Variants in SGCD observed in about 807,000 individuals in gnomAD.
SGCD encodes the protein sarcoglycan delta.
Under a neutral mutation model 36.6 loss-of-function variants are expected in SGCD, and 18 were observed. The observed-to-expected ratio is 0.49, with a 90% CI of 0.34 to 0.73. SGCD has a LOEUF of 0.73. Ranked by LOEUF, SGCD falls within the 30% of genes least tolerant of loss-of-function variation. The probability of loss-of-function intolerance (pLI) is 0.01; values close to 1 mark genes in which losing one functional copy is unlikely to be tolerated. For synonymous variants in SGCD, 133 were observed against 130.6 expected (o/e 1.02, Z -0.12); for missense variants, 387 against 346.7 (o/e 1.12, Z -0.92).
intron 1 of SGCD, among the ~76,000 whole-genome samples, chr5:156,113,657 G>A (rs919017851): frequency 1.3e-5 from 2 of 151,994 alleles, no homozygotes; most frequent in African/African-American, 4.8e-5. Context: ...TCATATTCTT[G>A]GTATTTACAC....
At chr5:156,612,491 A>T (rs1188533168) in intron 6 of SGCD, among the ~76,000 whole-genome samples, 1 of 152,240 alleles carries the variant, frequency 6.6e-6, no homozygotes, top group African/African-American at 2.4e-5. Flanking sequence ...AAGGCTTTCT[A>T]GTGGCTGGTT....
At chr5:156,456,462 G>A (rs1047266293) in intron 3 of SGCD, among the ~76,000 whole-genome samples, 1 of 152,192 alleles carries the variant, frequency 6.6e-6, no homozygotes, top group African/African-American at 2.4e-5. Context: ...TAAAGTGTCA[G>A]AGAATTTAGC....
intron 4 of SGCD, among the ~76,000 whole-genome samples, chr5:156,584,556 G>A (rs1760414525): frequency 6.6e-6 from 1 of 152,064 alleles, no homozygotes; most frequent in South Asian, 2.1e-4. Flanking sequence ...AGTGCTACAT[G>A]CCCAGCACAG....
chr5:155,786,560 T>C, the SGCD span, among the ~76,000 whole-genome samples: 2 of 151,982 alleles, frequency 1.3e-5, no homozygotes, highest in African/African-American at 4.8e-5. Flanking sequence ...AACATTTTAC[T>C]AAAGGGAAAG....
rs186015018 is a variant in SGCD at position 156,342,007 on chromosome 5, C to T, written c.4-2482C>T. ...GATTACAGGTGTGAGCCACCATGCC[C>T]GGCTGAGTACAAATGTTTTTAACAG... On this transcript the variant is annotated intron_variant, in intron 2 of 8. Coordinates refer to ENST00000337851, the MANE Select transcript of SGCD (RefSeq NM_000337.6). Among the ~76,000 whole-genome samples, 13 of 152,296 alleles carry T rather than the reference C, an allele frequency of 8.5e-5. No individual in the cohort carries two copies. The East Asian group carries it at 1.7e-3, about 20-fold the overall frequency.
chr5:156,695,507 A>G (rs111858970), intron 7 of SGCD, among the ~76,000 whole-genome samples: 13 of 107,106 alleles, frequency 1.2e-4, no homozygotes, highest in South Asian at 2.6e-4. Flanking sequence ...ATAGATAGAT[A>G]GATGGATAGA....
chr5:155,840,545 T>C, the SGCD span, among the ~76,000 whole-genome samples: 32 of 150,884 alleles, frequency 2.1e-4, no homozygotes, highest in Non-Finnish European at 2.4e-4. Flanking sequence ...TGCCTCGGCC[T>C]CCCAAAGTGC....
chr5:156,693,250 T>A (rs919951974), intron 7 of SGCD, among the ~76,000 whole-genome samples: 2 of 152,186 alleles, frequency 1.3e-5, no homozygotes, highest in South Asian at 4.1e-4. Context: ...TTCAGATATG[T>A]CTGACAAAAA....
intron 3 of SGCD, among the ~76,000 whole-genome samples, chr5:156,499,507 T>C (rs946852419): frequency 6.6e-6 from 1 of 152,102 alleles, no homozygotes; most frequent in Admixed American, 6.6e-5. Context: ...AAATATGAGA[T>C]GAAAGATATG....
At chr5:155,993,184 C>T (rs746084789) in intron 1 of SGCD, among the ~76,000 whole-genome samples, 6 of 152,128 alleles carry the variant, frequency 3.9e-5, no homozygotes, top group Non-Finnish European at 7.4e-5. Flanking sequence ...CCTCTTGCCC[C>T]GCCATGGAAC....
intron 1 of SGCD, among the ~76,000 whole-genome samples, chr5:156,074,408 AT>A (rs1300241197): frequency 2.0e-5 from 3 of 152,186 alleles, no homozygotes; most frequent in African/African-American, 7.2e-5. Flanking sequence ...TGAAAAAAAA[AT>A]TGCAAAATTA....
At chr5:156,561,218 C>T (rs1036180) in intron 4 of SGCD, among the ~76,000 whole-genome samples, 39,848 of 152,050 alleles carry the variant, frequency 0.26, 5,442 homozygotes, top group Non-Finnish European at 0.31. Flanking sequence ...CATTTCCTAA[C>T]CCTAGCCCTC....
At chr5:156,090,750 C>T (rs1427355517) in intron 1 of SGCD, among the ~76,000 whole-genome samples, 1 of 152,166 alleles carries the variant, frequency 6.6e-6, no homozygotes, top group African/African-American at 2.4e-5. Context: ...AAGACAGACA[C>T]TCCCAGAGCT....
chr5:155,735,874 C>A, the SGCD span, among the ~76,000 whole-genome samples: 2 of 151,858 alleles, frequency 1.3e-5, no homozygotes, highest in Non-Finnish European at 2.9e-5. Flanking sequence ...GGAGTAGGAT[C>A]CTCCTTTGAT....
At chr5:156,134,421 T>A (rs1051096409) in intron 3 of SGCD, among the ~76,000 whole-genome samples, 1 of 152,172 alleles carries the variant, frequency 6.6e-6, no homozygotes, top group Non-Finnish European at 1.5e-5. Context: ...TTTTACTCAT[T>A]CCCCTCTCTT....
chr5:156,336,410 A>G (rs1475078135), intron 2 of SGCD, among the ~76,000 whole-genome samples: 3 of 152,240 alleles, frequency 2.0e-5, no homozygotes, highest in Non-Finnish European at 4.4e-5. Flanking sequence ...AAGAACAAGT[A>G]GAAAAAGTTA....
At chr5:155,963,101 T>A (rs1487141045) in intron 1 of SGCD, among the ~76,000 whole-genome samples, 2 of 152,072 alleles carry the variant, frequency 1.3e-5, no homozygotes, top group Non-Finnish European at 2.9e-5. Flanking sequence ...GACAAAGGTT[T>A]TCTGTCACCA....
At chr5:155,864,191 G>A in the SGCD span, among the ~76,000 whole-genome samples, 4 of 152,320 alleles carry the variant, frequency 2.6e-5, no homozygotes, top group South Asian at 6.2e-4. Context: ...CAGGAGAATA[G>A]CATGGAAAAT....
chr5:156,715,134 G>A (rs1755161342), intron 7 of SGCD, among the ~76,000 whole-genome samples: 1 of 152,168 alleles, frequency 6.6e-6, no homozygotes, highest in Non-Finnish European at 1.5e-5. Flanking sequence ...AATGTTTCTG[G>A]TCAGTCATCA....
Sources: gnomAD v4.1 joint callset for allele counts (sites outside exome capture counted in the v4.1 genomes callset) on GRCh38, gnomAD v4.1.1 for gene constraint, MANE v1.5 for transcripts, NCBI Gene and HGNC (gene_info 2026-07-23, HGNC 2026-07-21) for gene names.